Variants in FIP1L1 observed in about 807,000 individuals in gnomAD.
The protein encoded by FIP1L1 is factor interacting with PAPOLA and CPSF1, also known as pre-mRNA 3'-end-processing factor FIP1.
FIP1L1 carries 21 observed loss-of-function variants against 84.6 expected under a neutral mutation model. That is an observed-to-expected ratio of 0.25 (90% confidence interval 0.18 to 0.36). FIP1L1 has a LOEUF of 0.36. Among genes scored for constraint, FIP1L1 ranks in the 10% least tolerant of loss-of-function variants. The pLI is 1.00. For synonymous variants in FIP1L1, 263 were observed against 242.3 expected (o/e 1.09, Z -0.80); for missense variants, 526 against 751.1 (o/e 0.70, Z 3.50).
At chr4:53,398,073 A>G (rs1323951408) in intron 9 of FIP1L1, among the ~76,000 whole-genome samples, 1 of 151,990 alleles carries the variant, frequency 6.6e-6, no homozygotes, top group African/African-American at 2.4e-5. Flanking sequence ...TTTTTTCATA[A>G]TATTTATTAT....
chr4:53,393,026 TGG>T (rs1745128080), intron 9 of FIP1L1, among the ~76,000 whole-genome samples: 1 of 152,198 alleles, frequency 6.6e-6, no homozygotes, highest in Non-Finnish European at 1.5e-5. Context: ...ATGTATATTG[TGG>T]TCCGTAGGAA....
Position 53,399,833 on chromosome 4 carries a change from C to G in FIP1L1, c.809C>G (p.Pro270Arg). The change falls in exon 10 of 18, where the codon CCG (proline) becomes CGG (arginine). Residue 270 changes from proline (P) to arginine (R), a missense_variant. Pro to Arg is a moderately radical substitution (Grantham distance 103). This residue lies in a region of FIP1L1 where 169 missense variants were observed against 206.9 expected (regional missense o/e 0.82). Transcript: ENST00000337488. Reference sequence around the variant, plus strand: ...TCTTTGTTCAAGACTGGGCTTCCACCGAGCAGGTTAGTTACATAGTTATAA... The same window carrying G: ...TCTTTGTTCAAGACTGGGCTTCCACGGAGCAGGTTAGTTACATAGTTATAA... ...PPSLFKTGLP[P>R]SRNSTSSQSQ... 6.2e-7 allele frequency: 1 copy of G among 1,606,534 alleles called. No homozygotes were observed.
At chr4:53,431,542 G>A (rs1260475502) in intron 13 of FIP1L1, among the ~76,000 whole-genome samples, 2 of 151,972 alleles carry the variant, frequency 1.3e-5, no homozygotes, top group Non-Finnish European at 2.9e-5. Flanking sequence ...TAAAAGTAAA[G>A]TCCAAAATAT....
rs1560484595 is a variant in FIP1L1, at chr4:53,383,880, A to G, written c.332+4A>G. ...AAACGGGAGCACCACAGTATGGGTA[A>G]GTTATTTTTTAGTAAGTAACAATTG... On this transcript the variant is annotated splice_donor_region_variant and intron_variant, in intron 5 of 17. Coordinates refer to ENST00000337488, the MANE Select transcript of FIP1L1 (RefSeq NM_030917.4). 1 of 1,608,826 alleles carries G rather than the reference A, an allele frequency of 6.2e-7. No homozygotes were observed. The highest frequency in any genetic ancestry group is 8.5e-7 in the Non-Finnish European group (1 of 1,178,176).
chr4:53,438,234 G>A (rs1770354989), intron 13 of FIP1L1, among the ~76,000 whole-genome samples: 1 of 152,136 alleles, frequency 6.6e-6, no homozygotes, highest in South Asian at 2.1e-4. Flanking sequence ...TGTTGTCTAG[G>A]TTAGGCAGCA....
chr4:53,456,495 C>T (rs1719050112), intron 16 of FIP1L1, among the ~76,000 whole-genome samples: 1 of 152,108 alleles, frequency 6.6e-6, no homozygotes, highest in South Asian at 2.1e-4. Flanking sequence ...GAAAAAATTA[C>T]ACTCTGGAAA....
chr4:53,422,544 T>C (rs1762797492), intron 11 of FIP1L1, among the ~76,000 whole-genome samples: 1 of 152,056 alleles, frequency 6.6e-6, no homozygotes. Context: ...AGAACAGTGC[T>C]TACCTTGCGC....
intron 16 of FIP1L1, among the ~76,000 whole-genome samples, chr4:53,455,944 G>A (rs1196783716): frequency 1.3e-5 from 2 of 152,132 alleles, no homozygotes; most frequent in Admixed American, 6.6e-5. Flanking sequence ...TGACACATGC[G>A]TGTGTGTGCA....
intron 11 of FIP1L1, among the ~76,000 whole-genome samples, chr4:53,415,178 C>A (rs1289275251): frequency 6.6e-6 from 1 of 152,138 alleles, no homozygotes; most frequent in Non-Finnish European, 1.5e-5. Flanking sequence ...ATTAAGCAGA[C>A]GTAGTAGCTG....
At chr4:53,407,984 G>T (rs952926827) in intron 10 of FIP1L1, among the ~76,000 whole-genome samples, 2 of 152,162 alleles carry the variant, frequency 1.3e-5, no homozygotes, top group African/African-American at 4.8e-5. Flanking sequence ...GGAGCATTTA[G>T]TTCATTTACA....
chr4:53,403,719 T>C (rs570205960), intron 10 of FIP1L1, among the ~76,000 whole-genome samples: 1 of 152,336 alleles, frequency 6.6e-6, no homozygotes, highest in Admixed American at 6.5e-5. Context: ...GCATTGGTTG[T>C]GCAACATGCG....
At chr4:53,395,832 A>G (rs901357746) in intron 9 of FIP1L1, among the ~76,000 whole-genome samples, 4 of 152,144 alleles carry the variant, frequency 2.6e-5, no homozygotes, top group African/African-American at 9.7e-5. Flanking sequence ...AAGCACCTCA[A>G]CAAATCCTAT....
chr4:53,411,081 A>G (rs1265595745), intron 10 of FIP1L1, among the ~76,000 whole-genome samples: 1 of 152,214 alleles, frequency 6.6e-6, no homozygotes, highest in Non-Finnish European at 1.5e-5. Context: ...CTTGTTAGGT[A>G]TATGAGTGTT....
intron 10 of FIP1L1, among the ~76,000 whole-genome samples, chr4:53,410,229 G>C (rs1364915358): frequency 6.6e-6 from 1 of 152,196 alleles, no homozygotes; most frequent in Non-Finnish European, 1.5e-5. Context: ...ACTTCATGAG[G>C]ATGATTTTTT....
chr4:53,383,690 G>C (rs1293991930), intron 4 of FIP1L1, 83 bp from the exon 5 acceptor site: 34 of 1,329,450 alleles, frequency 2.6e-5, no homozygotes, highest in South Asian at 4.4e-5. Flanking sequence ...AAAAAAACAG[G>C]GTGGTTACTT....
chr4:53,440,507 T>C, intron 13 of FIP1L1: 2 of 914,408 alleles, frequency 2.2e-6, no homozygotes, highest in Admixed American at 2.5e-5. Flanking sequence ...TCAAAGTTTG[T>C]TTTGGTGATG....
chr4:53,426,024 T>A, intron 12 of FIP1L1, 59 bp downstream of exon 12: 2 of 1,200,290 alleles, frequency 1.7e-6, no homozygotes, highest in Non-Finnish European at 1.2e-6. Context: ...AACATTATAA[T>A]TTAATTTATT....
chr4:53,404,965 T>A (rs1752444929), intron 10 of FIP1L1, among the ~76,000 whole-genome samples: 1 of 151,866 alleles, frequency 6.6e-6, no homozygotes, highest in Non-Finnish European at 1.5e-5. Context: ...GGTTGCCTGT[T>A]CACTCTGATG....
chr4:53,390,922 T>A, intron 7 of FIP1L1, 87 bp from the exon 8 acceptor site: 3 of 1,113,290 alleles, frequency 2.7e-6, no homozygotes, highest in Non-Finnish European at 3.7e-6. Context: ...AACTCTAAAT[T>A]TATATTTTTA....
Sources: gnomAD v4.1 joint callset for allele counts (sites outside exome capture counted in the v4.1 genomes callset) on GRCh38, gnomAD v4.1.1 for gene constraint, gnomAD v4.1.1 regional missense constraint, MANE v1.5 for transcripts, NCBI Gene and HGNC (gene_info 2026-07-23, HGNC 2026-07-21) for gene names.